Variants in NLGN2 observed in about 807,000 individuals in gnomAD.
NLGN2 encodes the protein neuroligin 2, also known as neuroligin-2.
A neutral mutation model predicts 48.6 loss-of-function variants in NLGN2; 11 were observed. The observed-to-expected ratio is 0.23, with a 90% CI of 0.14 to 0.37. The LOEUF is 0.37. NLGN2 is among the 10% of genes least tolerant of loss of function. The probability of loss-of-function intolerance (pLI) is 1.00; values close to 1 mark genes in which losing one functional copy is unlikely to be tolerated. For missense variants in NLGN2, 801 were observed against 1,225.2 expected (o/e 0.65, Z 5.17); for synonymous variants, 548 against 550.0 (o/e 1.00, Z 0.05).
intron 6 of NLGN2, among the ~76,000 whole-genome samples, chr17:7,416,415 G>T (rs186406669): frequency 6.6e-6 from 1 of 152,160 alleles, no homozygotes; most frequent in Admixed American, 6.5e-5. Context: ...TGACTGCTCA[G>T]GTGTGTGTGT....
At chr17:7,414,197 G>C in intron 2 of NLGN2, 147 bp from the exon 3 acceptor site, 1 of 703,462 alleles carries the variant, frequency 1.4e-6, no homozygotes, top group South Asian at 1.7e-5. Context: ...GGGGAATCCG[G>C]TCTTGCCCCC....
intron 1 of NLGN2, among the ~76,000 whole-genome samples, chr17:7,409,876 C>A (rs372779723): frequency 1.3e-5 from 2 of 152,174 alleles, no homozygotes; most frequent in Non-Finnish European, 1.5e-5. Flanking sequence ...CACACACCCC[C>A]AGTACATCTC....
In NLGN2 at chr17:7,410,890, C is replaced by G. The variant is rs115463275; in HGVS notation, c.458-1267C>G. ...CTTGCTCACTTTGTCCCCACCCCAT[C>G]CTCTCACAAAGAAGAGGCCCTGTTC... On this transcript the variant is annotated intron_variant, in intron 1 of 6. Transcript: ENST00000302926. 6.5e-3 allele frequency among the ~76,000 whole-genome samples: 983 copies of G among 152,358 alleles called. 10 individuals are homozygous for G. Among genetic ancestry groups the G allele is most frequent in the African/African-American group, 0.022 (917 of 41,578 alleles).
In NLGN2 at chr17:7,414,703, T is replaced by C. The variant is rs1907027676; in HGVS notation, c.699T>C (p.Tyr233=). The C allele has an allele frequency of 1.2e-6, 2 of 1,614,044 alleles. No individual in the cohort carries two copies. The highest frequency in any genetic ancestry group is 1.7e-5 in the Admixed American group (1 of 60,012). ...STGDQAAKGN[Y]GLLDQIQALR... ...GGGACCAGGCTGCAAAAGGCAACTA[T>C]GGGCTCCTGGACCAGATCCAGGCCC... The change falls in exon 4 of 7, where the codon TAT becomes TAC. Residue 233 remains tyrosine, a synonymous_variant. Transcript: ENST00000302926.
Position 7,408,394 on chromosome 17 carries a change from G to A in NLGN2, c.139G>A (p.Ala47Thr). The A allele has an allele frequency of 6.5e-7, 1 of 1,549,956 alleles. No individual in the cohort carries two copies. The highest frequency in any genetic ancestry group is 8.7e-7 in the Non-Finnish European group (1 of 1,153,406). The change falls in exon 1 of 7, where the codon GCC becomes ACC. Residue 47 changes from alanine (A) to threonine (T), a missense_variant. Physicochemically the swap from Ala to Thr is moderately conservative, Grantham distance 58. Coordinates refer to ENST00000302926, the MANE Select transcript of NLGN2 (RefSeq NM_020795.4). The surrounding 1 kb of genome is among the most constrained non-coding windows in gnomAD (Gnocchi z 7.5). ...GEERFPVVNT[A>T]YGRVRGVRRE... Reference sequence around the variant, plus strand: ...GGAGCGCTTCCCGGTGGTGAACACGGCCTACGGGCGAGTGCGCGGTGTGCG... The same window carrying A: ...GGAGCGCTTCCCGGTGGTGAACACGACCTACGGGCGAGTGCGCGGTGTGCG...
At position 7,411,535 on chromosome 17, in the gene NLGN2, C is replaced by T. The variant is rs8082580; in HGVS notation, c.458-622C>T. Among the ~76,000 whole-genome samples, 1,355 of 152,296 alleles carry T rather than the reference C, an allele frequency of 8.9e-3. 16 individuals are homozygous for T. Among genetic ancestry groups the T allele is most frequent in the South Asian group, 0.036 (174 of 4,828 alleles). ...CTTCCCATAGCCCTCCAGTGGGGAG[C>T]GGAAGGCTTCTGGGGCTGAGCTGTG... On this transcript the variant is annotated intron_variant, in intron 1 of 6. Transcript: ENST00000302926. This position sits in a 1 kb window ranked among gnomAD's most constrained non-coding sequence, Gnocchi z 4.5.
chr17:7,408,529 T>G lies in NLGN2; in HGVS notation c.274T>G (p.Ser92Ala). ...CTTCCAGCCGCCTGAGGCGCCCGCC[T>G]CGTGGCCCGGCGTGCGCAACGCCAC... ...RRFQPPEAPA[S>A]WPGVRNATTL... The change falls in exon 1 of 7, where the codon TCG (serine) becomes GCG (alanine). Residue 92 changes from serine (S) to alanine (A), a missense_variant. By Grantham distance (99) the Ser-to-Ala change is moderately conservative. Transcript: ENST00000302926. The surrounding 1 kb of genome is among the most constrained non-coding windows in gnomAD (Gnocchi z 7.5). 1 of 1,536,352 alleles carries G rather than the reference T, an allele frequency of 6.5e-7. No homozygotes were observed. The highest frequency in any genetic ancestry group is 1.2e-5 in the South Asian group (1 of 83,402).
chr17:7,414,297 C>T (rs1239980874), intron 2 of NLGN2, 47 bp from the exon 3 acceptor site: 1 of 1,557,558 alleles, frequency 6.4e-7, no homozygotes, highest in Non-Finnish European at 8.7e-7. Flanking sequence ...CTGACTGTGT[C>T]CTTGTCCCTG....
chr17:7,414,783 C>T lies in NLGN2; in HGVS notation c.779C>T (p.Thr260Ile). 1 of 1,614,150 alleles carries T rather than the reference C, an allele frequency of 6.2e-7. No individual in the cohort carries two copies. Among genetic ancestry groups the T allele is most frequent in the Non-Finnish European group, 8.5e-7 (1 of 1,180,010 alleles). Residue 260 changes from threonine (T) to isoleucine (I), a missense_variant, in exon 4 of 7, where the codon ACC becomes ATC. By Grantham distance (89) the Thr-to-Ile change is moderately conservative (BLOSUM62 -1). This residue lies in a region of NLGN2 where 303 missense variants were observed against 600.1 expected (regional missense o/e 0.50). Coordinates refer to ENST00000302926, the MANE Select transcript of NLGN2 (RefSeq NM_020795.4). ...AHFGGDPERI[T>I]IFGSGAGASC... is the part of the protein sequence containing the mutation. The stretch of plus-strand genomic sequence containing the variant: ...TTTGGGGGCGACCCCGAGCGTATCA[C>T]CATCTTTGGTTCCGGGGCAGGGGCC...
At chr17:7,416,577 C>G (rs1053452163) in intron 6 of NLGN2, among the ~76,000 whole-genome samples, 28 of 152,154 alleles carry the variant, frequency 1.8e-4, no homozygotes, top group Admixed American at 1.4e-3. Flanking sequence ...GGCTGTGTAT[C>G]TGTCTCTGGC....
rs1906869794 is a variant in NLGN2 at position 7,411,150 on chromosome 17, C to G, written c.458-1007C>G. Among the ~76,000 whole-genome samples the G allele has an allele frequency of 6.6e-6, 1 of 152,240 alleles. No individual in the cohort carries two copies. The highest frequency in any genetic ancestry group is 2.4e-5 in the African/African-American group (1 of 41,454). On this transcript the variant is annotated intron_variant, in intron 1 of 6. Transcript: ENST00000302926. This position sits in a 1 kb window ranked among gnomAD's most constrained non-coding sequence, Gnocchi z 4.5. ...ACCTGGTGCTCCCGGTACCTGCTGGCACCTGTGTGCCAGGCTGGCTCAGGG... is the reference window on the plus strand; with the variant it reads ...ACCTGGTGCTCCCGGTACCTGCTGGGACCTGTGTGCCAGGCTGGCTCAGGG...
chr17:7,414,392 G>A lies in NLGN2; in HGVS notation c.557G>A (p.Gly186Asp). 1 of 1,614,194 alleles carries A rather than the reference G, an allele frequency of 6.2e-7. No homozygotes were observed. Among genetic ancestry groups the A allele is most frequent in the Non-Finnish European group, 8.5e-7 (1 of 1,180,012 alleles). The change falls in exon 3 of 7, where the codon GGC (glycine) becomes GAC (aspartate). Residue 186 changes from glycine to aspartate, a missense_variant. Physicochemically the swap from Gly to Asp is moderately conservative, Grantham distance 94. Coordinates refer to ENST00000302926, the MANE Select transcript of NLGN2 (RefSeq NM_020795.4). ...KKPVMLFLHG[G>D]SYMEGTGNMF... ...CCTGTGATGCTGTTTCTCCATGGCG[G>A]CTCCTACATGGAGGGGACCGGAAAC...
intron 6 of NLGN2, 36 bp from the exon 7 acceptor site, chr17:7,416,890 C>T (rs1907121795): frequency 1.9e-6 from 3 of 1,610,248 alleles, no homozygotes; most frequent in South Asian, 1.1e-5. Context: ...GAGCCTTGCC[C>T]TCACTCCTCC....
intron 1 of NLGN2, 54 bp from the exon 2 acceptor site, chr17:7,412,103 C>T: frequency 7.7e-7 from 1 of 1,295,146 alleles, no homozygotes; most frequent in South Asian, 1.2e-5. Flanking sequence ...CCCCGACCCC[C>T]ATCTTTCCCC....
intron 1 of NLGN2, 63 bp from the exon 2 acceptor site, chr17:7,412,094 C>A: frequency 1.8e-6 from 2 of 1,104,158 alleles, no homozygotes; most frequent in Non-Finnish European, 2.7e-6. Context: ...ACCACCTCCC[C>A]CCGACCCCCA....
upstream of NLGN2, among the ~76,000 whole-genome samples, chr17:7,407,012 C>T (rs928726459): frequency 2.6e-5 from 4 of 152,134 alleles, no homozygotes; most frequent in Non-Finnish European, 5.9e-5. Flanking sequence ...GATTGGCCAA[C>T]AGGCAGGGCT....
Position 7,417,174 on chromosome 17 carries a change from G to A in NLGN2, c.1883G>A (p.Arg628His), listed in dbSNP as rs777010584. The A allele has an allele frequency of 1.9e-4, 299 of 1,586,960 alleles. No individual in the cohort carries two copies. Among genetic ancestry groups the A allele is most frequent in the Non-Finnish European group, 2.3e-4 (271 of 1,170,224 alleles). ...ACGCGCCTGCCTCCCTACGCCACGC[G>A]CTGGCCGCCTCGTCCCCCCGCTGGC... The part of the protein sequence containing the change: ...TTTRLPPYAT[R>H]WPPRPPAGAP... The change falls in exon 7 of 7, where the codon CGC becomes CAC. Residue 628 changes from arginine (R) to histidine (H), a missense_variant. Coordinates refer to ENST00000302926, the MANE Select transcript of NLGN2 (RefSeq NM_020795.4).
In NLGN2 at chr17:7,415,067, G is replaced by A. The variant is rs367879051; in HGVS notation, c.956G>A (p.Arg319Gln). The A allele has an allele frequency of 4.0e-5, 64 of 1,613,434 alleles. No individual in the cohort carries two copies. The highest frequency in any genetic ancestry group is 6.7e-5 in the African/African-American group (5 of 74,948). The change falls in exon 5 of 7, where the codon CGA becomes CAA. Residue 319 changes from arginine to glutamine, a missense_variant. Physicochemically the swap from Arg to Gln is conservative, Grantham distance 43. Transcript: ENST00000302926. ...RLLAAKVGCDREDSAEAVECL... is the reference protein window; with the variant it reads ...RLLAAKVGCDQEDSAEAVECL... ...CTGGCAGCCAAGGTGGGCTGTGACC[G>A]AGAGGACAGCGCTGAAGCTGTGGAG...
chr17:7,414,499 G>T lies in NLGN2; in HGVS notation c.658+6G>T. ...CTACCGTCTTGGGGTGCTCGGTGAG[G>T]GTGGGCAGCCAACTCTGGGGCTCGG... is the stretch of plus-strand genomic sequence containing the variant. On this transcript the variant is annotated splice_donor_region_variant and intron_variant, in intron 3 of 6. Coordinates refer to ENST00000302926, the MANE Select transcript of NLGN2 (RefSeq NM_020795.4). 1 of 1,612,226 alleles carries T rather than the reference G, an allele frequency of 6.2e-7. No individual in the cohort carries two copies. The highest frequency in any genetic ancestry group is 8.5e-7 in the Non-Finnish European group (1 of 1,178,404).
Sources: gnomAD v4.1 joint callset for allele counts (sites outside exome capture counted in the v4.1 genomes callset) on GRCh38, gnomAD v4.1.1 for gene constraint, gnomAD v4.1.1 regional missense constraint, Gnocchi (gnomAD v3.1) non-coding constraint, MANE v1.5 for transcripts, NCBI Gene and HGNC (gene_info 2026-07-23, HGNC 2026-07-21) for gene names.